The following SUGCT variants were observed in gnomAD, a reference collection of about 807,000 sequenced individuals.
SUGCT encodes the protein succinyl-CoA:glutarate CoA-transferase.
Under a neutral mutation model 55.0 loss-of-function variants are expected in SUGCT, and 41 were observed. The observed-to-expected ratio is 0.74, with a 90% CI of 0.58 to 0.97. The LOEUF is 0.97. SUGCT is among the 50% of genes least tolerant of loss of function. The pLI is 0.00. For missense variants in SUGCT, 568 were observed against 547.8 expected, an observed-to-expected ratio of 1.04 and a Z score of -0.37; for synonymous variants, 187 against 200.4, an observed-to-expected ratio of 0.93 and a Z score of 0.56.
rs182692302 is a variant in SUGCT, at chr7:40,513,925, G to A, written c.1089+17539G>A. ...CTGCCTCAGCCTCCTGAGTAGCTGG[G>A]ACTACAGTCACCTGCCACCATGCCC... On this transcript the variant is annotated intron_variant, in intron 12 of 13. Transcript: ENST00000335693. Among the ~76,000 whole-genome samples the A allele has an allele frequency of 3.4e-3, 518 of 151,596 alleles. 4 individuals carry two copies. Among genetic ancestry groups the A allele is most frequent in the African/African-American group, 0.012 (483 of 41,342 alleles).
chr7:40,913,626 T>C, the SUGCT span, among the ~76,000 whole-genome samples: 856 of 152,322 alleles, frequency 5.6e-3, 8 homozygotes, highest in African/African-American at 0.02. Flanking sequence ...AACACAAGCA[T>C]TTGTTCTCCC....
chr7:40,685,789 G>T (rs1784438553), intron 12 of SUGCT, among the ~76,000 whole-genome samples: 1 of 152,036 alleles, frequency 6.6e-6, no homozygotes, highest in African/African-American at 2.4e-5. Flanking sequence ...TGTAATCTCA[G>T]CACTTTGTGC....
At chr7:40,702,698 TG>T (rs1234973778) in intron 12 of SUGCT, among the ~76,000 whole-genome samples, 1 of 152,200 alleles carries the variant, frequency 6.6e-6, no homozygotes, top group Non-Finnish European at 1.5e-5. Flanking sequence ...CTCCATGTTT[TG>T]GGGGTTGAGA....
At chr7:41,003,711 T>C in the SUGCT span, among the ~76,000 whole-genome samples, 2 of 152,096 alleles carry the variant, frequency 1.3e-5, no homozygotes, top group African/African-American at 4.8e-5. Flanking sequence ...CCATCCAAGA[T>C]CAACAAATGA....
chr7:40,498,943 T>C (rs943812976), intron 12 of SUGCT: 14 of 399,948 alleles, frequency 3.5e-5, no homozygotes, highest in Non-Finnish European at 6.5e-5. Context: ...CCCTTCCTCA[T>C]TTCTGATGAT....
the SUGCT span, among the ~76,000 whole-genome samples, chr7:40,900,741 A>G: frequency 6.6e-6 from 1 of 152,232 alleles, no homozygotes; most frequent in African/African-American, 2.4e-5. Flanking sequence ...CATTTCCGCA[A>G]GGAAGCTAAA....
chr7:40,749,359 A>G (rs2128711777), intron 12 of SUGCT, 75 bp from the exon 13 acceptor site: 3 of 1,128,410 alleles, frequency 2.7e-6, no homozygotes, highest in Admixed American at 1.7e-5. Context: ...GACTGAATAG[A>G]TGGCTGTCCA....
At chr7:40,264,547 G>A (rs887768713) in intron 7 of SUGCT, among the ~76,000 whole-genome samples, 11 of 152,226 alleles carry the variant, frequency 7.2e-5, no homozygotes, top group African/African-American at 2.6e-4. Context: ...CTGTGTGCAC[G>A]GAAACCCTCA....
At chr7:40,491,429 G>A (rs776878400) in intron 11 of SUGCT, among the ~76,000 whole-genome samples, 4 of 152,114 alleles carry the variant, frequency 2.6e-5, no homozygotes, top group Non-Finnish European at 4.4e-5. Context: ...TGTGAGTTCT[G>A]GCAAGTGAGG....
At chr7:40,324,405 G>A (rs1480298942) in intron 9 of SUGCT, among the ~76,000 whole-genome samples, 15 of 151,388 alleles carry the variant, frequency 9.9e-5, no homozygotes, top group African/African-American at 3.4e-4. Context: ...ACAGATATAC[G>A]TCACCATGCC....
chr7:40,686,732 A>G (rs1015837258), intron 12 of SUGCT, among the ~76,000 whole-genome samples: 7 of 152,254 alleles, frequency 4.6e-5, no homozygotes, highest in African/African-American at 1.7e-4. Flanking sequence ...TCTTTGTTCT[A>G]GGAGCTCAGT....
chr7:40,623,373 A>C (rs1799366515), intron 12 of SUGCT, among the ~76,000 whole-genome samples: 1 of 152,206 alleles, frequency 6.6e-6, no homozygotes, highest in South Asian at 2.1e-4. Flanking sequence ...ACTGCTTTGG[A>C]ACAGGGAATT....
chr7:40,507,880 G>C (rs556305905), intron 12 of SUGCT, among the ~76,000 whole-genome samples: 7 of 152,240 alleles, frequency 4.6e-5, no homozygotes, highest in Non-Finnish European at 1.0e-4. Context: ...GGCTCATCTT[G>C]ATTGTCTCTT....
chr7:40,854,321 C>G (rs887788664), intron 13 of SUGCT, among the ~76,000 whole-genome samples: 1 of 152,138 alleles, frequency 6.6e-6, no homozygotes, highest in Non-Finnish European at 1.5e-5. Context: ...TATTGGCTCT[C>G]CAGGTCTGAG....
chr7:40,175,084 C>G (rs1214753635), intron 1 of SUGCT, among the ~76,000 whole-genome samples: 1 of 152,098 alleles, frequency 6.6e-6, no homozygotes, highest in Non-Finnish European at 1.5e-5. Context: ...TCCCACTTTT[C>G]CATTACGCTG....
intron 12 of SUGCT, among the ~76,000 whole-genome samples, chr7:40,733,526 G>A (rs1243116589): frequency 6.6e-6 from 1 of 152,114 alleles, no homozygotes; most frequent in Non-Finnish European, 1.5e-5. Flanking sequence ...TTGAATTTTA[G>A]GACCACCACC....
chr7:40,880,324 T>C, the SUGCT span, among the ~76,000 whole-genome samples: 1 of 152,202 alleles, frequency 6.6e-6, no homozygotes, highest in Non-Finnish European at 1.5e-5. Context: ...TGCTCTATAC[T>C]CCCTGCTGCA....
chr7:40,364,763 A>G (rs932359105), intron 9 of SUGCT, among the ~76,000 whole-genome samples: 3 of 152,110 alleles, frequency 2.0e-5, no homozygotes, highest in Non-Finnish European at 4.4e-5. Context: ...AATTGTGGCA[A>G]TAATCAATAG....
intron 12 of SUGCT, among the ~76,000 whole-genome samples, chr7:40,579,884 A>G (rs773872627): frequency 3.3e-5 from 5 of 152,190 alleles, no homozygotes; most frequent in Non-Finnish European, 5.9e-5. Flanking sequence ...GGGATTAGGT[A>G]GAGTCAGCAT....
Sources: allele counts gnomAD v4.1 joint callset (sites outside exome capture counted in the v4.1 genomes callset), GRCh38; gene constraint gnomAD v4.1.1; transcripts MANE v1.5; gene names NCBI Gene and HGNC (gene_info 2026-07-23, HGNC 2026-07-21).